HIKESHI: variants seen among roughly 807,000 people sequenced by gnomAD.
HIKESHI encodes the protein protein Hikeshi.
In HIKESHI, 13 loss-of-function variants were observed where a neutral mutation model predicts 25.7. The observed-to-expected ratio is 0.51, with a 90% CI of 0.33 to 0.80. The LOEUF (loss-of-function observed/expected upper bound fraction) is 0.80. HIKESHI is among the 30% of genes least tolerant of loss of function. HIKESHI has a pLI of 0.02. For missense variants in HIKESHI, 174 were observed against 229.5 expected, an observed-to-expected ratio of 0.76 and a Z score of 1.56; for synonymous variants, 76 against 78.7, an observed-to-expected ratio of 0.97 and a Z score of 0.18.
intron 1 of HIKESHI, among the ~76,000 whole-genome samples, chr11:86,305,616 C>T (rs1946602726): frequency 6.6e-6 from 1 of 151,500 alleles, no homozygotes; most frequent in Non-Finnish European, 1.5e-5. Flanking sequence ...GAACTCCTGA[C>T]GTCGTGTGAT....
Position 86,323,674 on chromosome 11 carries a change from CT to C in HIKESHI, c.269-13700del, listed in dbSNP as rs1438068215. Among the ~76,000 whole-genome samples, 3 of 152,282 alleles carry C rather than the reference CT, an allele frequency of 2.0e-5. 1 individual carries two copies. Among genetic ancestry groups the C allele is most frequent in the African/African-American group, 7.2e-5 (3 of 41,570 alleles). On this transcript the variant is annotated intron_variant, in intron 2 of 4. Transcript: ENST00000278483. ...TAGGGAACAGTGAAAATGTTCTATC[CT>C]TTTTGTACTTTTGGCTGTCTTTTCT...
chr11:86,308,163 ATT>A (rs1946716227), intron 2 of HIKESHI, among the ~76,000 whole-genome samples: 1 of 130,834 alleles, frequency 7.6e-6, no homozygotes, highest in Non-Finnish European at 1.6e-5. Flanking sequence ...TAAAATATAT[ATT>A]ACATATAAAA....
At chr11:86,321,980 T>C (rs1027470926) in intron 2 of HIKESHI, among the ~76,000 whole-genome samples, 4 of 151,940 alleles carry the variant, frequency 2.6e-5, no homozygotes, top group Admixed American at 6.6e-5. Flanking sequence ...ACCAGTGATA[T>C]TGAGCAGTTT....
chr11:86,333,057 A>G (rs1295007077), intron 2 of HIKESHI, among the ~76,000 whole-genome samples: 1 of 152,256 alleles, frequency 6.6e-6, no homozygotes. Flanking sequence ...TGACAGAGGA[A>G]GAAGTTTCAC....
intron 2 of HIKESHI, chr11:86,326,677 G>T: frequency 2.7e-6 from 1 of 364,666 alleles, no homozygotes. Flanking sequence ...TGAAATATGA[G>T]TAAGATTTGG....
intron 2 of HIKESHI, among the ~76,000 whole-genome samples, chr11:86,328,802 C>G (rs1947348206): frequency 6.6e-6 from 1 of 151,864 alleles, no homozygotes; most frequent in Non-Finnish European, 1.5e-5. Flanking sequence ...GTCTTGAACT[C>G]CTGGTCTTGA....
chr11:86,304,100 G>A (rs1180619298), intron 1 of HIKESHI, among the ~76,000 whole-genome samples: 1 of 152,128 alleles, frequency 6.6e-6, no homozygotes, highest in Non-Finnish European at 1.5e-5. Context: ...TTTAAAGTGG[G>A]TCAGAATACT....
chr11:86,336,695 A>C (rs1947569516), intron 2 of HIKESHI, among the ~76,000 whole-genome samples: 1 of 152,236 alleles, frequency 6.6e-6, no homozygotes, highest in Non-Finnish European at 1.5e-5. Context: ...TAATGCTCAG[A>C]AACTTCTCAA....
chr11:86,302,561 A>G, intron 1 of HIKESHI, 83 bp downstream of exon 1: 1 of 1,483,508 alleles, frequency 6.7e-7, no homozygotes, highest in Non-Finnish European at 9.1e-7. Flanking sequence ...CGCAGGCGCT[A>G]GGGATGCGGG....
Position 86,345,886 on chromosome 11 carries a change from A to G in HIKESHI, c.*248A>G, listed in dbSNP as rs1342655082. On this transcript the variant is annotated 3_prime_UTR_variant, in exon 5 of 5. Coordinates refer to ENST00000278483, the MANE Select transcript of HIKESHI (RefSeq NM_016401.4). ...AAAGGCAAGACATTTTGTTTTGGCTATGATTCATTTTTTTTACTTAAAAAT... is the reference window on the plus strand; with the variant it reads ...AAAGGCAAGACATTTTGTTTTGGCTGTGATTCATTTTTTTTACTTAAAAAT... 1.2e-5 allele frequency: 3 copies of G among 259,280 alleles called. No homozygotes were observed. Among genetic ancestry groups the G allele is most frequent in the African/African-American group, 2.2e-5 (1 of 44,984 alleles). The allele number at this position is 259,280 out of a possible 1,614,324, so 16.1% of individuals were successfully genotyped here.
chr11:86,314,767 A>T (rs544082278), intron 2 of HIKESHI, among the ~76,000 whole-genome samples: 6 of 152,232 alleles, frequency 3.9e-5, no homozygotes, highest in Non-Finnish European at 8.8e-5. Context: ...GTTTCATGAG[A>T]TCATTATCAT....
At chr11:86,340,147 TCA>T (rs1947686439) in intron 3 of HIKESHI, among the ~76,000 whole-genome samples, 1 of 152,202 alleles carries the variant, frequency 6.6e-6, no homozygotes, top group Non-Finnish European at 1.5e-5. Flanking sequence ...ATCCAGTCTA[TCA>T]TTGGTGGACA....
chr11:86,331,060 G>GT (rs566893085), intron 2 of HIKESHI, among the ~76,000 whole-genome samples: 4 of 151,600 alleles, frequency 2.6e-5, no homozygotes, highest in African/African-American at 7.3e-5. Context: ...TGCAGTGCAA[G>GT]TTTTTTTTTG....
At position 86,306,466 on chromosome 11, in the gene HIKESHI, T is replaced by A; in HGVS notation, c.252T>A (p.Ile84=). The A allele has an allele frequency of 6.2e-7, 1 of 1,603,576 alleles. No individual in the cohort carries two copies. Among genetic ancestry groups the A allele is most frequent in the Non-Finnish European group, 8.5e-7 (1 of 1,170,748 alleles). Residue 84 remains isoleucine (I), a synonymous_variant, in exon 2 of 5, where the codon ATT becomes ATA. Coordinates refer to ENST00000278483, the MANE Select transcript of HIKESHI (RefSeq NM_016401.4). The part of the protein sequence containing the change: ...TNGKPSAIFK[I]SGLKSGEGSQ... ...GGAAGCCAAGTGCCATCTTCAAAAT[T>A]TCAGGTCTTAAATCTGGTAAGAATA...
At chr11:86,320,411 A>G (rs1565729989) in intron 2 of HIKESHI, among the ~76,000 whole-genome samples, 1 of 152,068 alleles carries the variant, frequency 6.6e-6, no homozygotes, top group Non-Finnish European at 1.5e-5. Flanking sequence ...AACCCTGTCT[A>G]CTAAAAACAC....
At chr11:86,323,914 A>C (rs1048428638) in intron 2 of HIKESHI, 10 of 152,248 alleles carry the variant, frequency 6.6e-5, no homozygotes, top group African/African-American at 2.4e-4. Flanking sequence ...TACTTGATCC[A>C]GTATGGGAAA....
In HIKESHI at chr11:86,307,009, A is replaced by AT. The variant is rs1946643878; in HGVS notation, c.268+527_268+528insT. ...AGCGAGACTCTGTCTCAAAGAAAAA[A>AT]AAAATATATATATATATATAAATAT... On this transcript the variant is annotated intron_variant, in intron 2 of 4. Transcript: ENST00000278483. Among the ~76,000 whole-genome samples the AT allele has an allele frequency of 6.2e-5, 9 of 145,182 alleles. No homozygotes were observed. The Admixed American group carries it at 6.4e-4, about 10-fold the overall frequency.
In HIKESHI at chr11:86,337,753, G is replaced by T. The variant is rs181717502; in HGVS notation, c.420+223G>T. On this transcript the variant is annotated intron_variant, in intron 3 of 4. Coordinates refer to ENST00000278483, the MANE Select transcript of HIKESHI (RefSeq NM_016401.4). ...GCTGACTGCAATTTCCGCCTCCCGG[G>T]TTCAAGCGATTCTCCTGCCTCAGTC... Among the ~76,000 whole-genome samples, 287 of 152,278 alleles carry T rather than the reference G, an allele frequency of 1.9e-3. 1 individual carries two copies. Among genetic ancestry groups the T allele is most frequent in the African/African-American group, 6.7e-3 (280 of 41,558 alleles).
intron 1 of HIKESHI, chr11:86,303,324 T>A (rs1173797138): frequency 1.3e-6 from 1 of 773,844 alleles, no homozygotes; most frequent in East Asian, 1.3e-4. Context: ...CCCATCAAGT[T>A]TTGATAATGT....
Sources: allele counts gnomAD v4.1 joint callset (sites outside exome capture counted in the v4.1 genomes callset), GRCh38; gene constraint gnomAD v4.1.1; transcripts MANE v1.5; gene names NCBI Gene and HGNC (gene_info 2026-07-23, HGNC 2026-07-21).